Variants in DOCK1 observed in about 807,000 individuals in gnomAD.
DOCK1 encodes the protein dedicator of cytokinesis protein 1.
In DOCK1, 138 loss-of-function variants were observed where a neutral mutation model predicts 262.7. That is an observed-to-expected ratio of 0.53 (90% confidence interval 0.46 to 0.61). The LOEUF (loss-of-function observed/expected upper bound fraction) is 0.61. Among genes scored for constraint, DOCK1 ranks in the 20% least tolerant of loss-of-function variants. DOCK1 has a pLI of 0.00. For synonymous variants in DOCK1, 866 were observed against 867.4 expected, an observed-to-expected ratio of 1.00 and a Z score of 0.03; for missense variants, 1,908 against 2,370.7, an observed-to-expected ratio of 0.80 and a Z score of 4.05.
chr10:127,032,387 C>T, intron 18 of DOCK1, 67 bp downstream of exon 18: 1 of 1,443,570 alleles, frequency 6.9e-7, no homozygotes, highest in Non-Finnish European at 9.1e-7. Context: ...TTCCATGCTC[C>T]TTCCTATGTG....
chr10:127,281,289 G>A (rs1033932188), intron 29 of DOCK1, among the ~76,000 whole-genome samples: 12 of 152,314 alleles, frequency 7.9e-5, no homozygotes, highest in Middle Eastern at 6.8e-3. Flanking sequence ...TCATCGAGCC[G>A]TGGCCTAGCA....
At chr10:127,265,384 TAA>T (rs904484844) in intron 29 of DOCK1, among the ~76,000 whole-genome samples, 1 of 147,058 alleles carries the variant, frequency 6.8e-6, no homozygotes, top group African/African-American at 2.5e-5. Context: ...TGTTACACAT[TAA>T]AAAAAAAAAA....
chr10:126,946,815 A>T lies in DOCK1; in HGVS notation c.47-23887A>T, dbSNP rs1702325829. Among the ~76,000 whole-genome samples, 3 of 152,180 alleles carry T rather than the reference A, an allele frequency of 2.0e-5. No individual in the cohort carries two copies. The South Asian group carries it at 6.2e-4, about 32-fold the overall frequency. ...TTTTGTTTAATTTGTTCATCTCTTG[A>T]TGGACACTTGTGACATGGTTTCTTC... On this transcript the variant is annotated intron_variant, in intron 1 of 51. Transcript: ENST00000623213.
chr10:127,191,530 C>T (rs772572481), intron 27 of DOCK1, among the ~76,000 whole-genome samples: 2 of 152,082 alleles, frequency 1.3e-5, no homozygotes, highest in African/African-American at 2.4e-5. Context: ...GTACAAAATG[C>T]AGGTAGTAAG....
chr10:127,146,908 C>T (rs1243360091), intron 27 of DOCK1, among the ~76,000 whole-genome samples: 5 of 152,130 alleles, frequency 3.3e-5, no homozygotes, highest in East Asian at 3.9e-4. Context: ...CCGGTTCTGC[C>T]GGCTGTCTTG....
chr10:127,377,238 G>A (rs1169882737), intron 35 of DOCK1, among the ~76,000 whole-genome samples: 1 of 152,134 alleles, frequency 6.6e-6, no homozygotes, highest in Admixed American at 6.5e-5. Flanking sequence ...TAGGTAGATA[G>A]GTGTCCTAAC....
intron 27 of DOCK1, among the ~76,000 whole-genome samples, chr10:127,130,054 G>C (rs2050216501): frequency 7.1e-6 from 1 of 141,624 alleles, no homozygotes; most frequent in Non-Finnish European, 1.5e-5. Flanking sequence ...CCTGCCTCCA[G>C]TTAGGGTCTT....
At position 127,393,412 on chromosome 10, in the gene DOCK1, C is replaced by T. The variant is rs1590861679; in HGVS notation, c.3927+8503C>T. Among the ~76,000 whole-genome samples the T allele has an allele frequency of 2.0e-5, 3 of 152,206 alleles. No homozygotes were observed. The East Asian group carries it at 5.8e-4, about 30-fold the overall frequency. On this transcript the variant is annotated intron_variant, in intron 38 of 51. Transcript: ENST00000623213. ...CTTACTCTGTGGGAAGGATATACAC[C>T]CTAGAGCTCATTCACTGTTTGAAAT...
At chr10:127,304,127 G>T (rs60293394) in intron 29 of DOCK1, among the ~76,000 whole-genome samples, 22,722 of 152,080 alleles carry the variant, frequency 0.15, 1,940 homozygotes, top group East Asian at 0.24. Flanking sequence ...CAAGAGCCGG[G>T]TTCTGTGGCT....
At chr10:127,258,466 T>C (rs1346505787) in intron 29 of DOCK1, among the ~76,000 whole-genome samples, 1 of 152,264 alleles carries the variant, frequency 6.6e-6, no homozygotes, top group Non-Finnish European at 1.5e-5. Context: ...TTGTTGCCTG[T>C]ATCAATAGCT....
At chr10:127,213,357 C>T (rs1214161529) in intron 27 of DOCK1, among the ~76,000 whole-genome samples, 1 of 152,156 alleles carries the variant, frequency 6.6e-6, no homozygotes, top group Non-Finnish European at 1.5e-5. Flanking sequence ...TGGAAAGGTT[C>T]TATGCCTAGA....
At chr10:127,429,112 G>C (rs1371349843) in intron 47 of DOCK1, among the ~76,000 whole-genome samples, 1 of 152,030 alleles carries the variant, frequency 6.6e-6, no homozygotes, top group Admixed American at 6.6e-5. Flanking sequence ...GGGATGCTGT[G>C]TGTCCTTGGT....
intron 10 of DOCK1, among the ~76,000 whole-genome samples, chr10:127,003,217 T>C (rs1040052556): frequency 6.6e-6 from 1 of 152,026 alleles, no homozygotes; most frequent in African/African-American, 2.4e-5. Context: ...TGCGTGAACC[T>C]GTGTGAACCT....
chr10:126,947,283 G>C (rs1260752408), intron 1 of DOCK1, among the ~76,000 whole-genome samples: 1 of 145,660 alleles, frequency 6.9e-6, no homozygotes, highest in Admixed American at 6.8e-5. Context: ...TGGTGGTGAT[G>C]GTGGTGGTTG....
chr10:126,969,334 G>C (rs1778581408), intron 1 of DOCK1, among the ~76,000 whole-genome samples: 1 of 152,224 alleles, frequency 6.6e-6, no homozygotes, highest in African/African-American at 2.4e-5. Context: ...GTGAACACCA[G>C]GAGGCTGCGT....
At position 126,970,729 on chromosome 10, in the gene DOCK1, C is replaced by T. The variant is rs371087791; in HGVS notation, c.74C>T (p.Ala25Val). The change falls in exon 2 of 52, where the codon GCG (alanine) becomes GTG (valine). Residue 25 changes from alanine (A) to valine (V), a missense_variant. This residue lies in a region of DOCK1 where 227 missense variants were observed against 254.1 expected (regional missense o/e 0.89). Transcript: ENST00000623213. ...TTTTATAACTATGATGCCAGAGGAG[C>T]GGATGAACTTTCTTTACAGATCGGA... ...VAFYNYDARG[A>V]DELSLQIGDT... The T allele has an allele frequency of 6.8e-6, 11 of 1,613,054 alleles. No homozygotes were observed. Among genetic ancestry groups the T allele is most frequent in the African/African-American group, 1.3e-5 (1 of 74,918 alleles).
intron 25 of DOCK1, among the ~76,000 whole-genome samples, chr10:127,123,588 AC>A (rs773586338): frequency 9.7e-4 from 147 of 152,302 alleles, no homozygotes; most frequent in Admixed American, 2.6e-3. Flanking sequence ...TAGTTTGTAA[AC>A]ATCGAGGTTC....
rs1196022170 is a variant in DOCK1 at position 127,042,605 on chromosome 10, G to A, written c.2011-20G>A. 19 of 1,611,828 alleles carry A rather than the reference G, an allele frequency of 1.2e-5. No individual in the cohort carries two copies. In the East Asian group the frequency reaches 3.1e-4, roughly 26 times the overall value. ...GTCCGGTGGGTTCACATTGTCACCC[G>A]ACCTTCTGTGTCTATGCAGTTTCTT... is the stretch of plus-strand genomic sequence containing the variant. On this transcript the variant is annotated intron_variant, in intron 19 of 51. Transcript: ENST00000623213.
intron 49 of DOCK1, among the ~76,000 whole-genome samples, chr10:127,441,739 C>T (rs566789252): frequency 6.6e-6 from 1 of 151,266 alleles, no homozygotes; most frequent in African/African-American, 2.4e-5. Flanking sequence ...TTCCCCCCTG[C>T]GGGCCTCCCC....
Sources: gnomAD v4.1 joint callset for allele counts (sites outside exome capture counted in the v4.1 genomes callset) on GRCh38, gnomAD v4.1.1 for gene constraint, gnomAD v4.1.1 regional missense constraint, MANE v1.5 for transcripts, NCBI Gene and HGNC (gene_info 2026-07-23, HGNC 2026-07-21) for gene names.